The following CHL1 variants were observed in gnomAD, a reference collection of about 807,000 sequenced individuals.
CHL1 encodes cell adhesion molecule L1 like.
CHL1 carries 96 observed loss-of-function variants against 141.9 expected under a neutral mutation model. The observed-to-expected ratio is 0.68, with a 90% CI of 0.57 to 0.80. The LOEUF (loss-of-function observed/expected upper bound fraction) is 0.80. CHL1 is among the 30% of genes least tolerant of loss of function. The probability of loss-of-function intolerance (pLI) is 0.00; values close to 1 mark genes in which losing one functional copy is unlikely to be tolerated. For missense variants in CHL1, 1,820 were observed against 1,457.2 expected (o/e 1.25, Z -4.05); for synonymous variants, 613 against 502.2 (o/e 1.22, Z -2.95).
chr3:318,982 T>C (rs886278833), intron 2 of CHL1, among the ~76,000 whole-genome samples: 5 of 151,612 alleles, frequency 3.3e-5, no homozygotes, highest in Non-Finnish European at 7.4e-5. Flanking sequence ...CACAGCCATA[T>C]AAAGAACAAA....
chr3:401,688 G>A lies in CHL1; in HGVS notation c.3448G>A (p.Gly1150Ser). ...TCAGTCAGTAAAAGATGAAACCTTT[G>A]GTGAATACAGGTAAACATAAGGTTC... is the stretch of plus-strand genomic sequence containing the variant. Reference protein sequence around the residue: ...EIQSVKDETFGEYSDSDEKPL... With the variant: ...EIQSVKDETFSEYSDSDEKPL... The change falls in exon 27 of 28, where the codon GGT (glycine) becomes AGT (serine). Residue 1150 changes from glycine (G) to serine (S), a missense_variant. Transcript: ENST00000256509. 4.5e-6 allele frequency: 7 copies of A among 1,562,214 alleles called. No individual in the cohort carries two copies. Among genetic ancestry groups the A allele is most frequent in the South Asian group, 1.2e-5 (1 of 85,712 alleles).
chr3:338,028 C>T (rs1384979438), intron 5 of CHL1, among the ~76,000 whole-genome samples: 1 of 152,032 alleles, frequency 6.6e-6, no homozygotes, highest in Non-Finnish European at 1.5e-5. Context: ...CTCTCCAGCA[C>T]CTTTTTTTGG....
intron 14 of CHL1, chr3:364,141 A>G (rs1205187037): frequency 6.6e-6 from 1 of 150,948 alleles, no homozygotes; most frequent in East Asian, 1.9e-4. Context: ...CTTCCCATAT[A>G]TATCCTTCCT....
chr3:329,046 T>A (rs573106324), intron 5 of CHL1, among the ~76,000 whole-genome samples: 5 of 152,282 alleles, frequency 3.3e-5, no homozygotes, highest in African/African-American at 7.2e-5. Context: ...CACTTTGTTG[T>A]TAGAGGTGTA....
At chr3:374,407 C>T (rs1706036738) in intron 15 of CHL1, among the ~76,000 whole-genome samples, 1 of 152,136 alleles carries the variant, frequency 6.6e-6, no homozygotes, top group Non-Finnish European at 1.5e-5. Context: ...TTACTACTGC[C>T]TGACTATCCG....
At chr3:338,078 A>G (rs554576802) in intron 5 of CHL1, among the ~76,000 whole-genome samples, 5 of 152,188 alleles carry the variant, frequency 3.3e-5, no homozygotes, top group East Asian at 1.9e-4. Flanking sequence ...GTTAGCCAGG[A>G]TGGTCTCGAT....
intron 2 of CHL1, among the ~76,000 whole-genome samples, chr3:264,661 C>T (rs940136514): frequency 2.0e-5 from 3 of 152,180 alleles, no homozygotes; most frequent in Admixed American, 1.3e-4. Context: ...GAAGTCAATA[C>T]TCACAATCTA....
intron 25 of CHL1, 35 bp from the exon 26 acceptor site, chr3:398,982 A>G (rs764244820): frequency 6.8e-5 from 108 of 1,599,536 alleles, no homozygotes; most frequent in Non-Finnish European, 8.7e-5. Flanking sequence ...GACTGTTTCT[A>G]GTTTACAATG....
chr3:318,888 A>T (rs1700337078), intron 2 of CHL1, among the ~76,000 whole-genome samples: 1 of 151,704 alleles, frequency 6.6e-6, no homozygotes, highest in African/African-American at 2.4e-5. Context: ...AGTAAAAAAG[A>T]ACCACTTTTT....
rs1703639115 is a variant in CHL1, at chr3:355,574, T to C, written c.1165+803T>C. On this transcript the variant is annotated intron_variant, in intron 11 of 27. Transcript: ENST00000256509. ...ATTGCTTAATTAAGAGCAGGTACGA[T>C]AGTGGCTTCCATTTGTCCTTTTGCT... is the stretch of plus-strand genomic sequence containing the variant. 2.6e-5 allele frequency among the ~76,000 whole-genome samples: 4 copies of C among 152,218 alleles called. No individual in the cohort carries two copies. The South Asian group carries it at 6.2e-4, about 24-fold the overall frequency.
intron 3 of CHL1, among the ~76,000 whole-genome samples, chr3:323,884 A>C (rs2125058219): frequency 6.6e-6 from 1 of 152,250 alleles, no homozygotes; most frequent in African/African-American, 2.4e-5. Context: ...AGAAAAAAGC[A>C]ATTACAGAGA....
At chr3:330,101 G>A (rs1478552289) in intron 5 of CHL1, among the ~76,000 whole-genome samples, 2 of 151,528 alleles carry the variant, frequency 1.3e-5, no homozygotes, top group East Asian at 3.9e-4. Flanking sequence ...ATACACATGG[G>A]GTAAAAGGTT....
At chr3:225,324 A>G (rs1051673767) in intron 1 of CHL1, among the ~76,000 whole-genome samples, 8 of 152,228 alleles carry the variant, frequency 5.3e-5, no homozygotes, top group Admixed American at 2.0e-4. Flanking sequence ...CTCAGTATGT[A>G]GATGATTAAT....
At chr3:369,582 C>T (rs188549389) in intron 15 of CHL1, among the ~76,000 whole-genome samples, 1 of 152,094 alleles carries the variant, frequency 6.6e-6, no homozygotes, top group African/African-American at 2.4e-5. Flanking sequence ...ATATGAATAC[C>T]CTTTATTTTT....
At chr3:404,096 A>G (rs9882918) in intron 27 of CHL1, among the ~76,000 whole-genome samples, 132,435 of 152,234 alleles carry the variant, frequency 0.87, 59,483 homozygotes, top group East Asian at 1. Flanking sequence ...TTTCATCTTA[A>G]TCACTTAGGA....
chr3:262,903 T>C (rs1428094417), intron 2 of CHL1, among the ~76,000 whole-genome samples: 1 of 152,214 alleles, frequency 6.6e-6, no homozygotes, highest in East Asian at 1.9e-4. Flanking sequence ...CTAGGGTTTC[T>C]GGAGTTTCCT....
rs771992179 is a variant in CHL1 at position 382,279 on chromosome 3, C to A, written c.1977C>A (p.Ser659Arg). 6.2e-7 allele frequency: 1 copy of A among 1,611,798 alleles called. No individual in the cohort carries two copies. The highest frequency in any genetic ancestry group is 8.5e-7 in the Non-Finnish European group (1 of 1,178,180). The change falls in exon 17 of 28, where the codon AGC (serine) becomes AGA (arginine). Residue 659 changes from serine (S) to arginine (R), a missense_variant and splice_region_variant. Ser to Arg is a moderately radical substitution (Grantham distance 110). Transcript: ENST00000256509. ...EAGADHNSNI[S>R]EYIVEFEGNK... ...GAGCTGACCACAACAGCAATATTAG[C>A]GGTAGGAAGACTTGGGATAACTGTT...
chr3:377,318 G>A lies in CHL1; in HGVS notation c.1752-500G>A, dbSNP rs186884877. On this transcript the variant is annotated intron_variant, in intron 15 of 27. Transcript: ENST00000256509. The stretch of plus-strand genomic sequence containing the variant: ...TGATCTTAATGTGCATTGTACTTGG[G>A]AGTGGAGGGGCGGAGAAAAGAGAAA... 4.6e-5 allele frequency among the ~76,000 whole-genome samples: 7 copies of A among 152,282 alleles called. No homozygotes were observed. The East Asian group carries it at 1.4e-3, about 29-fold the overall frequency.
At chr3:306,714 AAC>A (rs1282387159) in intron 2 of CHL1, among the ~76,000 whole-genome samples, 1 of 152,150 alleles carries the variant, frequency 6.6e-6, no homozygotes, top group Admixed American at 6.5e-5. Flanking sequence ...GCAAAAAATA[AAC>A]AGTTATGAAA....
Sources: gnomAD v4.1 joint callset for allele counts (sites outside exome capture counted in the v4.1 genomes callset) on GRCh38, gnomAD v4.1.1 for gene constraint, MANE v1.5 for transcripts, NCBI Gene and HGNC (gene_info 2026-07-23, HGNC 2026-07-21) for gene names.